DYNC1H1: variants seen among roughly 807,000 people sequenced by gnomAD.
DYNC1H1 encodes the protein cytoplasmic dynein 1 heavy chain 1.
A neutral mutation model predicts 527.1 loss-of-function variants in DYNC1H1; 51 were observed. The observed-to-expected ratio is 0.10, with a 90% confidence interval of 0.08 to 0.12. The LOEUF (loss-of-function observed/expected upper bound fraction) is 0.12, where lower values mean the gene tolerates loss of function less well. Among genes scored for constraint, DYNC1H1 ranks in the 10% least tolerant of loss-of-function variants. The probability of loss-of-function intolerance (pLI) is 1.00; values close to 1 mark genes in which losing one functional copy is unlikely to be tolerated. For missense variants in DYNC1H1, 2,771 were observed against 5,971.8 expected, an observed-to-expected ratio of 0.46 and a Z score of 17.66; for synonymous variants, 2,189 against 2,278.8, an observed-to-expected ratio of 0.96 and a Z score of 1.12.
Position 102,017,657 on chromosome 14 carries a change from A to G in DYNC1H1, c.8177+153A>G. 2 of 1,393,338 alleles carry G rather than the reference A, an allele frequency of 1.4e-6. No individual in the cohort carries two copies. The highest frequency in any genetic ancestry group is 2.0e-6 in the Non-Finnish European group (2 of 1,004,532). The allele number at this position is 1,393,338 out of a possible 1,614,324, so 86.3% of individuals were successfully genotyped here. A position where few individuals can be genotyped will look rare whatever the true frequency, so the allele number is the denominator to read the frequency against. On this transcript the variant is annotated intron_variant, in intron 40 of 77. Transcript: ENST00000360184. The surrounding 1 kb of genome is among the most constrained non-coding windows in gnomAD (Gnocchi z 4.6). Reference sequence around the variant, plus strand: ...GGTTACTTCTCTGTGCTGTAATGCCAGGAAAACATGTTAAAAATAAAAGCA... The same window carrying G: ...GGTTACTTCTCTGTGCTGTAATGCCGGGAAAACATGTTAAAAATAAAAGCA...
Position 102,029,552 on chromosome 14 carries a change from T to C in DYNC1H1, c.9482T>C (p.Leu3161Pro), listed in dbSNP as rs760640376. Residue 3161 changes from leucine to proline, a missense_variant, in exon 49 of 78, where the codon CTA becomes CCA. This residue lies in a region of DYNC1H1 where 67 missense variants were observed against 128.2 expected (regional missense o/e 0.52). Transcript: ENST00000360184. This position sits in a 1 kb window ranked among gnomAD's most constrained non-coding sequence, Gnocchi z 5.3. ...HQTLHQANAR[L>P]AKRGGRTMAI... ...ATTTTCTGAAAGGCGAATGCTCGGC[T>C]AGCAAAGCGAGGCGGCAGAACGATG... is the stretch of plus-strand genomic sequence containing the variant. 1 of 1,614,188 alleles carries C rather than the reference T, an allele frequency of 6.2e-7. No homozygotes were observed. The highest frequency in any genetic ancestry group is 8.5e-7 in the Non-Finnish European group (1 of 1,180,032).
chr14:101,969,710 C>G (rs1407994091), intron 1 of DYNC1H1: 2 of 152,262 alleles, frequency 1.3e-5, no homozygotes, highest in African/African-American at 4.8e-5. Flanking sequence ...GTTAACTGCC[C>G]CATGCTGTCA....
intron 23 of DYNC1H1, among the ~76,000 whole-genome samples, chr14:102,003,280 TGA>T (rs1293116996): frequency 1.1e-4 from 17 of 148,386 alleles, no homozygotes; most frequent in African/African-American, 4.1e-4. Context: ...TTTTTTTTTT[TGA>T]GATGGAGTCT....
chr14:101,980,556 A>G lies in DYNC1H1; in HGVS notation c.961+6A>G. 6.2e-7 allele frequency: 1 copy of G among 1,613,872 alleles called. No homozygotes were observed. The highest frequency in any genetic ancestry group is 8.5e-7 in the Non-Finnish European group (1 of 1,179,856). ...CAGTTTTGACACTGACACAGGTAAC[A>G]ACTAGAACTAATAATCTGATCAGTA... is the stretch of plus-strand genomic sequence containing the variant. On this transcript the variant is annotated splice_donor_region_variant and intron_variant, in intron 5 of 77. Coordinates refer to ENST00000360184, the MANE Select transcript of DYNC1H1 (RefSeq NM_001376.5).
Position 102,015,645 on chromosome 14 carries a change from G to A in DYNC1H1, c.7243-211G>A, listed in dbSNP as rs1296620807. Reference sequence around the variant, plus strand: ...TTTCTCTACAAATTGATGAAAGACTGCCCTTTTCCATGTTCAGTGGGAAAA... The same window carrying A: ...TTTCTCTACAAATTGATGAAAGACTACCCTTTTCCATGTTCAGTGGGAAAA... On this transcript the variant is annotated intron_variant, in intron 35 of 77. Transcript: ENST00000360184. This position sits in a 1 kb window ranked among gnomAD's most constrained non-coding sequence, Gnocchi z 6.9. Among the ~76,000 whole-genome samples, 1 of 152,160 alleles carries A rather than the reference G, an allele frequency of 6.6e-6. No individual in the cohort carries two copies. Among genetic ancestry groups the A allele is most frequent in the Non-Finnish European group, 1.5e-5 (1 of 68,026 alleles).
rs1051956381 is a variant in DYNC1H1 at position 102,000,766 on chromosome 14, GT to G, written c.4075-185del. ...ATTTTGTATTTTTAGTAGAGACAGG[GT>G]TTCTCCATATTGGTCAGGCTGGTCT... On this transcript the variant is annotated intron_variant, in intron 18 of 77. Coordinates refer to ENST00000360184, the MANE Select transcript of DYNC1H1 (RefSeq NM_001376.5). 1.7e-4 allele frequency: 101 copies of G among 588,174 alleles called. No individual in the cohort carries two copies. In the African/African-American group the frequency reaches 1.8e-3, roughly 10 times the overall value. The allele number at this position is 588,174 out of a possible 1,614,324, so 36.4% of individuals were successfully genotyped here. A position where few individuals can be genotyped will look rare whatever the true frequency, so the allele number is the denominator to read the frequency against.
In DYNC1H1 at chr14:102,042,355, G is replaced by A; in HGVS notation, c.12276-29G>A. On this transcript the variant is annotated intron_variant, in intron 67 of 77. Transcript: ENST00000360184. This position sits in a 1 kb window ranked among gnomAD's most constrained non-coding sequence, Gnocchi z 5.7. ...GGCATTCAGGCAGGCAGCCTGGCAT[G>A]CTGTGTGACTCTCACTTTGTGTGTG... 1 of 1,614,200 alleles carries A rather than the reference G, an allele frequency of 6.2e-7. No individual in the cohort carries two copies. Among genetic ancestry groups the A allele is most frequent in the South Asian group, 1.1e-5 (1 of 91,088 alleles).
Position 102,044,809 on chromosome 14 carries a change from G to C in DYNC1H1, c.13006+111G>C. The stretch of plus-strand genomic sequence containing the variant: ...GGGTGAGTGTGCACTGCTGTCCCAG[G>C]GCCCTCCCTGGTTATGCTGGGTGTG... On this transcript the variant is annotated intron_variant, in intron 72 of 77. Coordinates refer to ENST00000360184, the MANE Select transcript of DYNC1H1 (RefSeq NM_001376.5). This position sits in a 1 kb window ranked among gnomAD's most constrained non-coding sequence, Gnocchi z 7.1. 2 of 1,267,380 alleles carry C rather than the reference G, an allele frequency of 1.6e-6. No homozygotes were observed. The highest frequency in any genetic ancestry group is 4.9e-5 in the East Asian group (2 of 40,744). The allele number at this position is 1,267,380 out of a possible 1,614,324, so 78.5% of individuals were successfully genotyped here. A position where few individuals can be genotyped will look rare whatever the true frequency, so the allele number is the denominator to read the frequency against.
Position 102,028,008 on chromosome 14 carries a change from A to G in DYNC1H1, c.9335A>G (p.Lys3112Arg), listed in dbSNP as rs374952401. 6.2e-7 allele frequency: 1 copy of G among 1,614,202 alleles called. No individual in the cohort carries two copies. Among genetic ancestry groups the G allele is most frequent in the Non-Finnish European group, 8.5e-7 (1 of 1,180,042 alleles). ...CAGGTTGGCAAAGAATTCACAAGTAAGATGGATCTGGAGAAGCCAAATTAC... is the reference window on the plus strand; with the variant it reads ...CAGGTTGGCAAAGAATTCACAAGTAGGATGGATCTGGAGAAGCCAAATTAC... Reference protein sequence around the residue: ...LYQVGKEFTSKMDLEKPNYIV... With the variant: ...LYQVGKEFTSRMDLEKPNYIV... The change falls in exon 48 of 78, where the codon AAG (lysine) becomes AGG (arginine). Residue 3112 changes from lysine (K) to arginine (R), a missense_variant. Lys to Arg is a conservative substitution (Grantham distance 26). This residue lies in a region of DYNC1H1 where 67 missense variants were observed against 128.2 expected (regional missense o/e 0.52). Coordinates refer to ENST00000360184, the MANE Select transcript of DYNC1H1 (RefSeq NM_001376.5).
intron 43 of DYNC1H1, chr14:102,023,788 G>C (rs2048416811): frequency 2.0e-5 from 3 of 152,460 alleles, no homozygotes; most frequent in Middle Eastern, 3.4e-3. Context: ...GTTGCAGTGA[G>C]CCAAGGTCAC....
chr14:102,033,708 A>T lies in DYNC1H1; in HGVS notation c.10413+224A>T. 1.4e-6 allele frequency: 1 copy of T among 699,992 alleles called. No homozygotes were observed. The highest frequency in any genetic ancestry group is 1.8e-5 in the South Asian group (1 of 56,084). 43.4% of individuals were successfully genotyped at this position (699,992 alleles called of 1,614,324 possible). A position where few individuals can be genotyped will look rare whatever the true frequency, so the allele number is the denominator to read the frequency against. On this transcript the variant is annotated intron_variant, in intron 54 of 77. Transcript: ENST00000360184. The surrounding 1 kb of genome is among the most constrained non-coding windows in gnomAD (Gnocchi z 5.6). ...AAACTGGACACTTTTCAGCCGTTGA[A>T]TCCCCCACCAGCAGCTCCAGACCTG... is the stretch of plus-strand genomic sequence containing the variant.
chr14:102,027,889 C>G lies in DYNC1H1; in HGVS notation c.9264-48C>G, dbSNP rs759098349. 6 of 1,614,228 alleles carry G rather than the reference C, an allele frequency of 3.7e-6. 1 individual carries two copies. The South Asian group carries it at 6.6e-5, about 18-fold the overall frequency. ...GGAAAGTCGGTGTCCTTCCAAGGGA[C>G]AAAGCCTGCCCCTCATAGCTGTCCT... On this transcript the variant is annotated intron_variant, in intron 47 of 77. Transcript: ENST00000360184. The surrounding 1 kb of genome is among the most constrained non-coding windows in gnomAD (Gnocchi z 7.7).
chr14:102,047,916 C>G lies in DYNC1H1; in HGVS notation c.13106C>G (p.Thr4369Arg). 1 of 1,613,578 alleles carries G rather than the reference C, an allele frequency of 6.2e-7. No individual in the cohort carries two copies. Among genetic ancestry groups the G allele is most frequent in the Non-Finnish European group, 8.5e-7 (1 of 1,180,018 alleles). ...ETEKKTRTDS[T>R]SDGRPAWMRT... ...GAGAAGAAGACGAGGACAGACTCCA[C>G]GTCCGACGGGCGCCCTGCCTGGATG... The change falls in exon 73 of 78, where the codon ACG (threonine) becomes AGG (arginine). Residue 4369 changes from threonine to arginine, a missense_variant. By Grantham distance (71) the Thr-to-Arg change is moderately conservative. This residue lies in a region of DYNC1H1 where 170 missense variants were observed against 249.8 expected (regional missense o/e 0.68). Transcript: ENST00000360184.
chr14:101,997,586 T>C lies in DYNC1H1; in HGVS notation c.3804+312T>C, dbSNP rs1260937887. Among the ~76,000 whole-genome samples, 1 of 152,184 alleles carries C rather than the reference T, an allele frequency of 6.6e-6. No individual in the cohort carries two copies. Among genetic ancestry groups the C allele is most frequent in the Non-Finnish European group, 1.5e-5 (1 of 68,028 alleles). On this transcript the variant is annotated intron_variant, in intron 16 of 77. Transcript: ENST00000360184. The surrounding 1 kb of genome is among the most constrained non-coding windows in gnomAD (Gnocchi z 4.8). Reference sequence around the variant, plus strand: ...ATTTCCTGTAGACAAAGGCCAAGCTTTCCACTGCTGCTGCTAGTTAATTTA... The same window carrying C: ...ATTTCCTGTAGACAAAGGCCAAGCTCTCCACTGCTGCTGCTAGTTAATTTA...
At position 102,001,728 on chromosome 14, in the gene DYNC1H1, G is replaced by C; in HGVS notation, c.4542+47G>C. Reference sequence around the variant, plus strand: ...TCCCTCCCCACCAGTGGTCTCCCACGCTTTCACTGTAATGCCTTTTCACTG... The same window carrying C: ...TCCCTCCCCACCAGTGGTCTCCCACCCTTTCACTGTAATGCCTTTTCACTG... On this transcript the variant is annotated intron_variant, in intron 21 of 77. Transcript: ENST00000360184. This position sits in a 1 kb window ranked among gnomAD's most constrained non-coding sequence, Gnocchi z 5.0. 6.2e-7 allele frequency: 1 copy of C among 1,612,184 alleles called. No individual in the cohort carries two copies. Among genetic ancestry groups the C allele is most frequent in the Non-Finnish European group, 8.5e-7 (1 of 1,179,406 alleles).
Position 102,041,391 on chromosome 14 carries a change from C to A in DYNC1H1, c.11942-183C>A. The stretch of plus-strand genomic sequence containing the variant: ...ATACATCCAGGTAGTAAGGTGTTCT[C>A]ACAGGCGTGTCCAGAGGGCTCACGG... On this transcript the variant is annotated intron_variant, in intron 64 of 77. Coordinates refer to ENST00000360184, the MANE Select transcript of DYNC1H1 (RefSeq NM_001376.5). This position sits in a 1 kb window ranked among gnomAD's most constrained non-coding sequence, Gnocchi z 4.5. The A allele has an allele frequency of 3.3e-6, 3 of 904,136 alleles. No homozygotes were observed. The highest frequency in any genetic ancestry group is 5.3e-6 in the Non-Finnish European group (3 of 565,964). 56.0% of individuals were successfully genotyped at this position (904,136 alleles called of 1,614,324 possible).
intron 15 of DYNC1H1, among the ~76,000 whole-genome samples, chr14:101,995,610 CAA>C (rs1298603384): frequency 2.5e-4 from 21 of 85,116 alleles, no homozygotes; most frequent in Admixed American, 6.1e-4. Context: ...GACTCCGTCT[CAA>C]AAAAAAAAAA....
Position 102,005,468 on chromosome 14 carries a change from T to C in DYNC1H1, c.5433+232T>C, listed in dbSNP as rs2048186481. Among the ~76,000 whole-genome samples, 1 of 152,100 alleles carries C rather than the reference T, an allele frequency of 6.6e-6. No individual in the cohort carries two copies. The highest frequency in any genetic ancestry group is 1.5e-5 in the Non-Finnish European group (1 of 68,016). ...ACGGTAGAGAGGAAGGGATCAACCT[T>C]GGTCAGGATCTCTTGCTCTTTCCTG... On this transcript the variant is annotated intron_variant, in intron 26 of 77. Transcript: ENST00000360184. The surrounding 1 kb of genome is among the most constrained non-coding windows in gnomAD (Gnocchi z 4.0).
At position 101,986,716 on chromosome 14, in the gene DYNC1H1, C is replaced by G; in HGVS notation, c.2491C>G (p.Pro831Ala). Residue 831 changes from proline (P) to alanine (A), a missense_variant, in exon 8 of 78, where the codon CCA becomes GCA. Coordinates refer to ENST00000360184, the MANE Select transcript of DYNC1H1 (RefSeq NM_001376.5). The surrounding 1 kb of genome is among the most constrained non-coding windows in gnomAD (Gnocchi z 8.7). ...GGTGTGGGAGTCCTACAAACTTGAC[C>G]CATATGTACAGCGCTTAGCAGAGAC... ...ALVWESYKLD[P>A]YVQRLAETVF... 1.2e-6 allele frequency: 2 copies of G among 1,614,118 alleles called. No individual in the cohort carries two copies. The highest frequency in any genetic ancestry group is 1.7e-6 in the Non-Finnish European group (2 of 1,180,038).
Sources: gnomAD v4.1 joint callset for allele counts (sites outside exome capture counted in the v4.1 genomes callset) on GRCh38, gnomAD v4.1.1 for gene constraint, gnomAD v4.1.1 regional missense constraint, Gnocchi (gnomAD v3.1) non-coding constraint, MANE v1.5 for transcripts, NCBI Gene and HGNC (gene_info 2026-07-23, HGNC 2026-07-21) for gene names.